Variants in ATP11C observed in about 807,000 individuals in gnomAD.
ATP11C encodes ATPase phospholipid transporting 11C (ATP11C blood group).
A neutral mutation model predicts 97.4 loss-of-function variants in ATP11C; 36 were observed. The observed-to-expected ratio is 0.37, with a 90% CI of 0.28 to 0.49. ATP11C has a LOEUF of 0.49. ATP11C is among the 20% of genes least tolerant of loss of function. The pLI is 0.98. For missense variants in ATP11C, 730 were observed against 824.6 expected, an observed-to-expected ratio of 0.89 and a Z score of 1.40; for synonymous variants, 275 against 290.9, an observed-to-expected ratio of 0.95 and a Z score of 0.56.
chrX:139,793,702 T>C (rs1223092503), intron 12 of ATP11C, among the ~76,000 whole-genome samples: 1 of 111,390 alleles, frequency 9.0e-6, no homozygotes, highest in Non-Finnish European at 1.9e-5. Context: ...AAAATAAAGC[T>C]CAATAATAAT....
Position 139,776,781 on chromosome X carries a change from C to T in ATP11C, c.1953-1828G>A, listed in dbSNP as rs763895256. Among the ~76,000 whole-genome samples the T allele has an allele frequency of 3.8e-4, 42 of 111,930 alleles. 1 individual carries two copies. In the South Asian group the frequency reaches 0.015, roughly 39 times the overall value. ...CTGCCAGAAGGGCTTAGTGCTAGTA[C>T]ACATGCTAAGCTTTCTGACACCTCC... On this transcript the variant is annotated intron_variant, in intron 18 of 29. Coordinates refer to ENST00000682941, the MANE Select transcript of ATP11C (RefSeq NM_001353812.2).
intron 1 of ATP11C, among the ~76,000 whole-genome samples, chrX:139,921,545 G>T (rs1458488689): frequency 8.9e-6 from 1 of 112,016 alleles, no homozygotes; most frequent in Non-Finnish European, 1.9e-5. Flanking sequence ...CTTTAAAGCA[G>T]TATGAAAATA....
chrX:139,853,963 T>C (rs1276351271), intron 1 of ATP11C, among the ~76,000 whole-genome samples: 1 of 110,602 alleles, frequency 9.0e-6, no homozygotes, highest in Non-Finnish European at 1.9e-5. Context: ...GCAGGTTTCC[T>C]AACAGGGTAT....
chrX:139,832,142 T>C (rs372491365), intron 1 of ATP11C: 16 of 1,204,466 alleles, frequency 1.3e-5, no homozygotes, highest in African/African-American at 3.5e-5. Flanking sequence ...GAAATAAATA[T>C]AGATTACAAA....
In ATP11C at chrX:139,777,519, A is replaced by C. The variant is rs773521592; in HGVS notation, c.1953-2566T>G. The stretch of plus-strand genomic sequence containing the variant: ...GAGCAAAGTCTTTGAGAAATATGGG[A>C]TTATGTAAAGCAACAAAATCTGTAA... On this transcript the variant is annotated intron_variant, in intron 18 of 29. Transcript: ENST00000682941. 3.3e-3 allele frequency among the ~76,000 whole-genome samples: 371 copies of C among 111,241 alleles called. 1 individual carries two copies. Among genetic ancestry groups the C allele is most frequent in the Non-Finnish European group, 6.2e-3 (331 of 53,089 alleles).
chrX:139,830,930 G>A (rs762555900), intron 1 of ATP11C, among the ~76,000 whole-genome samples: 1 of 111,121 alleles, frequency 9.0e-6, no homozygotes, highest in South Asian at 3.8e-4. Flanking sequence ...GTATGGGGAG[G>A]AGATCACTAC....
intron 1 of ATP11C, among the ~76,000 whole-genome samples, chrX:139,853,279 GAGAGAC>G (rs779724107): frequency 1.7e-4 from 19 of 109,674 alleles, no homozygotes; most frequent in African/African-American, 4.3e-4. Context: ...AGCAGAGAGA[GAGAGAC>G]AGAGACAGAG....
upstream of ATP11C, among the ~76,000 whole-genome samples, chrX:139,934,052 G>A (rs1380043751): frequency 8.9e-6 from 1 of 111,790 alleles, no homozygotes; most frequent in South Asian, 3.7e-4. Flanking sequence ...TTGAAACGTG[G>A]GAAGGCTTTA....
At chrX:139,806,929 TGACCTGCTACAGGGGATGG>T (rs1290531572) in intron 5 of ATP11C, among the ~76,000 whole-genome samples, 1 of 110,914 alleles carries the variant, frequency 9.0e-6, no homozygotes, top group Admixed American at 9.5e-5. Context: ...GAAACAAAAG[TGACCTGCTACAGGGGATGG>T]GACCTGCTAC....
chrX:139,880,684 C>T (rs1257247100), intron 1 of ATP11C, among the ~76,000 whole-genome samples: 3 of 111,316 alleles, frequency 2.7e-5, no homozygotes, highest in African/African-American at 9.8e-5. Flanking sequence ...ACCTGATCAG[C>T]AAAAATCAAG....
intron 2 of ATP11C, among the ~76,000 whole-genome samples, chrX:139,823,167 G>C (rs983121709): frequency 7.2e-5 from 8 of 111,484 alleles, no homozygotes; most frequent in Non-Finnish European, 1.3e-4. Flanking sequence ...CTGAAATCGC[G>C]CGCCACTACA....
intron 11 of ATP11C, 25 bp from the exon 12 acceptor site, chrX:139,796,495 CTAAT>C: frequency 1.0e-6 from 1 of 975,140 alleles, no homozygotes. Flanking sequence ...ATAGTTCATG[CTAAT>C]TAGACATACA....
In ATP11C at chrX:139,727,927, G is replaced by C. The variant is rs186645306; in HGVS notation, c.*1039C>G. 5 of 112,035 alleles carry C rather than the reference G, an allele frequency of 4.5e-5. No homozygotes were observed. The East Asian group carries it at 1.4e-3, about 32-fold the overall frequency. 9.2% of individuals were successfully genotyped at this position (112,035 alleles called of 1,213,427 possible). On this transcript the variant is annotated 3_prime_UTR_variant, in exon 30 of 30. Transcript: ENST00000682941. ...GCTCTACAAGCTGAACCACCGTTTTGGGGTGGCTCCTTCCCCCTTTCCAAA... is the reference window on the plus strand; with the variant it reads ...GCTCTACAAGCTGAACCACCGTTTTCGGGTGGCTCCTTCCCCCTTTCCAAA...
chrX:139,865,785 A>G (rs1018119329), intron 1 of ATP11C, among the ~76,000 whole-genome samples: 1 of 111,191 alleles, frequency 9.0e-6, no homozygotes, highest in Non-Finnish European at 1.9e-5. Flanking sequence ...AAATAAATAA[A>G]TAAGACAAAA....
chrX:139,827,647 A>G (rs950267955), intron 1 of ATP11C, among the ~76,000 whole-genome samples: 3 of 111,682 alleles, frequency 2.7e-5, no homozygotes, highest in African/African-American at 9.8e-5. Context: ...ACTACCACAT[A>G]TATAAGTCAA....
In ATP11C at chrX:139,782,466, C is replaced by T. The variant is rs189200326; in HGVS notation, c.1952+81G>A. The T allele has an allele frequency of 8.6e-3, 5,618 of 653,499 alleles. 34 individuals are homozygous for T. The highest frequency in any genetic ancestry group is 0.024 in the East Asian group (687 of 28,708). The allele number at this position is 653,499 out of a possible 1,213,427, so 53.9% of individuals were successfully genotyped here. A position where few individuals can be genotyped will look rare whatever the true frequency, so the allele number is the denominator to read the frequency against. The stretch of plus-strand genomic sequence containing the variant: ...CAATAAAACTAAAGATTTCAAACTT[C>T]GAGATTAAATTACTAATCTGGGGCA... On this transcript the variant is annotated intron_variant, in intron 18 of 29. Transcript: ENST00000682941.
chrX:139,809,380 C>T (rs1484631383), intron 5 of ATP11C, among the ~76,000 whole-genome samples: 1 of 111,978 alleles, frequency 8.9e-6, no homozygotes, highest in East Asian at 2.8e-4. Context: ...ATGGATCAAC[C>T]TTGAAAACAT....
intron 2 of ATP11C, among the ~76,000 whole-genome samples, chrX:139,820,078 C>T (rs868081630): frequency 9.0e-6 from 1 of 110,779 alleles, no homozygotes; most frequent in Non-Finnish European, 1.9e-5. Context: ...CCCAGCTACT[C>T]GGGCGGCTGA....
chrX:139,907,592 CA>C (rs1196476100), intron 1 of ATP11C, among the ~76,000 whole-genome samples: 2 of 109,646 alleles, frequency 1.8e-5, no homozygotes, highest in Non-Finnish European at 3.8e-5. Context: ...ACTAAAAATA[CA>C]AAAAATTAGC....
Sources: allele counts gnomAD v4.1 joint callset (sites outside exome capture counted in the v4.1 genomes callset), GRCh38; gene constraint gnomAD v4.1.1; transcripts MANE v1.5; gene names NCBI Gene and HGNC (gene_info 2026-07-23, HGNC 2026-07-21).